ANGPTL5: variants seen among roughly 807,000 people sequenced by gnomAD.
ANGPTL5 encodes the protein angiopoietin-related protein 5.
ANGPTL5 carries 34 observed loss-of-function variants against 39.4 expected under a neutral mutation model. The observed-to-expected ratio is 0.86, with a 90% confidence interval of 0.66 to 1.15. The LOEUF is 1.15. Among genes scored for constraint, ANGPTL5 ranks in the 50% most tolerant of loss-of-function variants. The pLI is 0.00. For missense variants in ANGPTL5, 467 were observed against 457.5 expected, an observed-to-expected ratio of 1.02 and a Z score of -0.19; for synonymous variants, 146 against 152.1, an observed-to-expected ratio of 0.96 and a Z score of 0.29.
chr11:101,893,807 G>C (rs1229877676), intron 8 of ANGPTL5, among the ~76,000 whole-genome samples: 1 of 152,138 alleles, frequency 6.6e-6, no homozygotes, highest in Non-Finnish European at 1.5e-5. Context: ...AGGTATCATA[G>C]ATTCCAACCA....
At chr11:101,911,573 T>A (rs928095335) in intron 1 of ANGPTL5, among the ~76,000 whole-genome samples, 4 of 152,112 alleles carry the variant, frequency 2.6e-5, no homozygotes, top group African/African-American at 7.2e-5. Context: ...ATTTTAAAAG[T>A]GTGTGGCACC....
At chr11:101,912,080 G>A (rs10750623) in intron 1 of ANGPTL5, among the ~76,000 whole-genome samples, 74,318 of 152,012 alleles carry the variant, frequency 0.49, 18,597 homozygotes, top group East Asian at 0.77. Context: ...ACCCTAATAT[G>A]TTCTAGTGGG....
chr11:101,914,606 T>C (rs1260503462), intron 1 of ANGPTL5, among the ~76,000 whole-genome samples: 1 of 152,190 alleles, frequency 6.6e-6, no homozygotes, highest in Non-Finnish European at 1.5e-5. Flanking sequence ...AAAGACATTT[T>C]AAAGAGACGG....
chr11:101,896,973 CA>C (rs1939808686), intron 7 of ANGPTL5, among the ~76,000 whole-genome samples: 1 of 152,204 alleles, frequency 6.6e-6, no homozygotes, highest in Admixed American at 6.5e-5. Flanking sequence ...CTCCCACCAA[CA>C]GTGTAAAAGC....
At chr11:101,915,437 C>A (rs1296616256) in intron 1 of ANGPTL5, 1 of 1,593,916 alleles carries the variant, frequency 6.3e-7, no homozygotes, top group Non-Finnish European at 8.6e-7. Flanking sequence ...CTGTGGCTGC[C>A]AGGGTAGCGA....
At chr11:101,910,689 C>T (rs1475218502) in intron 1 of ANGPTL5, among the ~76,000 whole-genome samples, 1 of 152,030 alleles carries the variant, frequency 6.6e-6, no homozygotes, top group African/African-American at 2.4e-5. Flanking sequence ...AAATCTGAGT[C>T]ACATTTGACT....
chr11:101,914,367 C>G (rs1363640672), intron 1 of ANGPTL5, among the ~76,000 whole-genome samples: 3 of 152,190 alleles, frequency 2.0e-5, no homozygotes, highest in Non-Finnish European at 4.4e-5. Flanking sequence ...CCATACTTCC[C>G]AAAACCATTT....
chr11:101,907,814 C>T lies in ANGPTL5; in HGVS notation c.96G>A (p.Thr32=), dbSNP rs757507727. The stretch of plus-strand genomic sequence containing the variant: ...AATATAATATTGCTAAAATTCTTAC[C>T]GTAGAATGATGTACACAGTTACCTT... The part of the protein sequence containing the change: ...AVQGNCVHHS[T]DSSVVNIVED... The change falls in exon 2 of 9, where the codon ACG becomes ACA. Residue 32 remains threonine (T), a splice_region_variant and synonymous_variant. Transcript: ENST00000334289. The T allele has an allele frequency of 1.3e-5, 20 of 1,578,950 alleles. No homozygotes were observed. Among genetic ancestry groups the T allele is most frequent in the Middle Eastern group, 1.7e-4 (1 of 5,918 alleles).
At chr11:101,908,730 G>A (rs568105942) in intron 1 of ANGPTL5, among the ~76,000 whole-genome samples, 16 of 146,296 alleles carry the variant, frequency 1.1e-4, no homozygotes, top group South Asian at 2.1e-4. Context: ...GCAGTGAGCC[G>A]AGATCACGCC....
intron 8 of ANGPTL5, 148 bp from the exon 9 acceptor site, chr11:101,891,746 C>T (rs1205840711): frequency 3.7e-6 from 3 of 816,592 alleles, no homozygotes; most frequent in African/African-American, 3.4e-5. Context: ...TTCTCCTACT[C>T]GAAGATTCAA....
At chr11:101,910,756 A>G (rs1940078423) in intron 1 of ANGPTL5, among the ~76,000 whole-genome samples, 2 of 152,118 alleles carry the variant, frequency 1.3e-5, no homozygotes, top group African/African-American at 4.8e-5. Context: ...CTCAAGGTTC[A>G]AACTGTAAAC....
chr11:101,904,944 T>C, intron 4 of ANGPTL5, 37 bp from the exon 5 acceptor site: 4 of 1,496,740 alleles, frequency 2.7e-6, no homozygotes, highest in Non-Finnish European at 3.7e-6. Context: ...AAATTTATAT[T>C]TGAAGAAATT....
In ANGPTL5 at chr11:101,894,838, A is replaced by T. The variant is rs763588629; in HGVS notation, c.847+41T>A. 9.2e-6 allele frequency: 14 copies of T among 1,516,646 alleles called. 1 individual carries two copies. The South Asian group carries it at 1.6e-4, about 17-fold the overall frequency. 93.9% of individuals were successfully genotyped at this position (1,516,646 alleles called of 1,614,324 possible). ...CTTCACTTAATAATGAGTCAGTTAT[A>T]ATTTAGATCTGGATAATTTTAGGAA... On this transcript the variant is annotated intron_variant, in intron 8 of 8. Transcript: ENST00000334289.
intron 7 of ANGPTL5, among the ~76,000 whole-genome samples, chr11:101,899,543 T>C (rs1939857546): frequency 6.6e-6 from 1 of 152,232 alleles, no homozygotes; most frequent in Non-Finnish European, 1.5e-5. Context: ...AGCCTGCATA[T>C]GGATCTATAA....
chr11:101,902,807 TATC>T (rs1202674676), intron 5 of ANGPTL5, 86 bp from the exon 6 acceptor site: 4 of 775,692 alleles, frequency 5.2e-6, no homozygotes, highest in Non-Finnish European at 8.5e-6. Context: ...ATAGTGCTAT[TATC>T]ATAATTTTCA....
At chr11:101,907,756 T>C in intron 2 of ANGPTL5, 58 bp downstream of exon 2, 1 of 1,119,434 alleles carries the variant, frequency 8.9e-7, no homozygotes, top group Non-Finnish European at 1.3e-6. Flanking sequence ...AATTCTAATA[T>C]ATATCTTGAA....
intron 7 of ANGPTL5, among the ~76,000 whole-genome samples, chr11:101,896,296 T>C (rs1939793612): frequency 6.6e-6 from 1 of 151,730 alleles, no homozygotes; most frequent in Non-Finnish European, 1.5e-5. Flanking sequence ...GCGATTCTCA[T>C]GCCTCAGCCT....
chr11:101,905,302 A>G (rs1939978892), intron 4 of ANGPTL5, among the ~76,000 whole-genome samples: 1 of 152,090 alleles, frequency 6.6e-6, no homozygotes, highest in Non-Finnish European at 1.5e-5. Context: ...GTTCTTGCCT[A>G]TTCCTATAGT....
chr11:101,901,311 G>A (rs1939895416), intron 6 of ANGPTL5, among the ~76,000 whole-genome samples: 1 of 150,432 alleles, frequency 6.6e-6, no homozygotes, highest in South Asian at 2.2e-4. Flanking sequence ...AAAACACTGG[G>A]GGTGGGGGGG....
Sources: gnomAD v4.1 joint callset for allele counts (sites outside exome capture counted in the v4.1 genomes callset) on GRCh38, gnomAD v4.1.1 for gene constraint, MANE v1.5 for transcripts, NCBI Gene and HGNC (gene_info 2026-07-23, HGNC 2026-07-21) for gene names.